SLC25A21: variants seen among roughly 807,000 people sequenced by gnomAD.
SLC25A21 encodes solute carrier family 25 member 21.
SLC25A21 carries 47 observed loss-of-function variants against 43.8 expected under a neutral mutation model. The observed-to-expected ratio is 1.07, with a 90% CI of 0.85 to 1.37. The LOEUF (loss-of-function observed/expected upper bound fraction) is 1.37, where lower values mean the gene tolerates loss of function less well. Among genes scored for constraint, SLC25A21 ranks in the 40% most tolerant of loss-of-function variants. SLC25A21 has a pLI of 0.00. For synonymous variants in SLC25A21, 131 were observed against 121.3 expected (o/e 1.08, Z -0.52); for missense variants, 352 against 350.2 (o/e 1.00, Z -0.04).
At chr14:37,122,090 T>C (rs145450800) in intron 1 of SLC25A21, among the ~76,000 whole-genome samples, 59 of 152,310 alleles carry the variant, frequency 3.9e-4, no homozygotes, top group African/African-American at 1.3e-3. Flanking sequence ...ATTGCTAATC[T>C]TTAACAGGAG....
At chr14:37,127,564 TACTA>T (rs375422695) in intron 1 of SLC25A21, among the ~76,000 whole-genome samples, 18 of 152,328 alleles carry the variant, frequency 1.2e-4, no homozygotes, top group African/African-American at 4.1e-4. Context: ...GTGTAACACT[TACTA>T]ACTGTTGGCA....
intron 2 of SLC25A21, among the ~76,000 whole-genome samples, chr14:36,814,933 T>A (rs1402869591): frequency 1.3e-5 from 2 of 152,158 alleles, no homozygotes; most frequent in African/African-American, 4.8e-5. Flanking sequence ...TGCCCATCAA[T>A]GATAGACTGG....
At chr14:37,051,533 T>C (rs1961705954) in intron 1 of SLC25A21, among the ~76,000 whole-genome samples, 1 of 152,202 alleles carries the variant, frequency 6.6e-6, no homozygotes, top group Non-Finnish European at 1.5e-5. Flanking sequence ...AATCAGAATA[T>C]GTAAGAAACA....
chr14:37,159,370 A>G (rs1317518128), intron 1 of SLC25A21, among the ~76,000 whole-genome samples: 1 of 152,202 alleles, frequency 6.6e-6, no homozygotes, highest in African/African-American at 2.4e-5. Context: ...TATTGGTATG[A>G]AAAGAGACAT....
rs183111767 is a variant in SLC25A21, at chr14:36,683,047, A to G, written c.838+781T>C. On this transcript the variant is annotated intron_variant, in intron 9 of 9. Coordinates refer to ENST00000331299, the MANE Select transcript of SLC25A21 (RefSeq NM_030631.4). ...GGAGGTGTAGGAGAAGGTTCTAGGA[A>G]ATATTACCAGTATGTATAAGTAGGT... Among the ~76,000 whole-genome samples the G allele has an allele frequency of 3.7e-3, 561 of 152,280 alleles. 2 individuals carry two copies. The highest frequency in any genetic ancestry group is 0.013 in the African/African-American group (538 of 41,572).
intron 1 of SLC25A21, among the ~76,000 whole-genome samples, chr14:37,152,306 G>T (rs1189535626): frequency 6.6e-6 from 1 of 151,690 alleles, no homozygotes; most frequent in Non-Finnish European, 1.5e-5. Context: ...TTGAAGGTCT[G>T]ATATTAGTTT....
chr14:37,103,649 T>A (rs2084384945), intron 1 of SLC25A21, among the ~76,000 whole-genome samples: 1 of 152,208 alleles, frequency 6.6e-6, no homozygotes, highest in Admixed American at 6.5e-5. Context: ...TACATTCTTC[T>A]TTCTCTGCCA....
At chr14:37,151,947 G>C (rs938713408) in intron 1 of SLC25A21, among the ~76,000 whole-genome samples, 1 of 152,080 alleles carries the variant, frequency 6.6e-6, no homozygotes, top group Non-Finnish European at 1.5e-5. Flanking sequence ...AGGCAAGAGA[G>C]ACGCTTGAAC....
At chr14:37,063,631 C>T (rs1359655368) in intron 1 of SLC25A21, among the ~76,000 whole-genome samples, 1 of 151,986 alleles carries the variant, frequency 6.6e-6, no homozygotes, top group Admixed American at 6.6e-5. Context: ...GATTTGTGAG[C>T]ACTTCAGCTT....
intron 1 of SLC25A21, among the ~76,000 whole-genome samples, chr14:37,010,649 A>G (rs1337988084): frequency 6.6e-6 from 1 of 151,876 alleles, no homozygotes; most frequent in Non-Finnish European, 1.5e-5. Context: ...CCTTCCAGAC[A>G]GAACCTAAAG....
At chr14:36,880,298 G>C (rs1393727314) in intron 1 of SLC25A21, among the ~76,000 whole-genome samples, 1 of 152,178 alleles carries the variant, frequency 6.6e-6, no homozygotes, top group Non-Finnish European at 1.5e-5. Context: ...GCCACACACA[G>C]CACAGCAACA....
At chr14:36,892,648 T>A (rs2138584768) in intron 1 of SLC25A21, among the ~76,000 whole-genome samples, 1 of 152,196 alleles carries the variant, frequency 6.6e-6, no homozygotes, top group South Asian at 2.1e-4. Context: ...GCTGCACCCA[T>A]TAACTCGTCA....
chr14:36,719,078 A>G (rs1339703489), intron 6 of SLC25A21, among the ~76,000 whole-genome samples: 1 of 152,200 alleles, frequency 6.6e-6, no homozygotes, highest in African/African-American at 2.4e-5. Context: ...CTTTAGCCAA[A>G]TAATAACTTT....
At chr14:36,760,945 G>C (rs1025945003) in intron 3 of SLC25A21, among the ~76,000 whole-genome samples, 1 of 152,140 alleles carries the variant, frequency 6.6e-6, no homozygotes, top group African/African-American at 2.4e-5. Context: ...AGTGGTTTTT[G>C]CCTCATTATT....
At chr14:37,123,122 T>C (rs1042256473) in intron 1 of SLC25A21, among the ~76,000 whole-genome samples, 2 of 152,222 alleles carry the variant, frequency 1.3e-5, no homozygotes, top group Admixed American at 6.5e-5. Context: ...TCTAAAGCAC[T>C]TTGGCATCTT....
chr14:37,090,725 C>T (rs182835493), intron 1 of SLC25A21, among the ~76,000 whole-genome samples: 108 of 152,230 alleles, frequency 7.1e-4, no homozygotes, highest in African/African-American at 2.5e-3. Flanking sequence ...GAAATAAAAA[C>T]AACATGTTTA....
At chr14:36,944,261 T>C (rs79161929) in intron 1 of SLC25A21, among the ~76,000 whole-genome samples, 6,602 of 152,178 alleles carry the variant, frequency 0.043, 286 homozygotes, top group Middle Eastern at 0.14. Context: ...CTGCCATTAA[T>C]AGGGGAGGAA....
At chr14:36,943,456 G>A (rs981304186) in intron 1 of SLC25A21, among the ~76,000 whole-genome samples, 11 of 152,222 alleles carry the variant, frequency 7.2e-5, no homozygotes, top group African/African-American at 2.7e-4. Flanking sequence ...CCTCCCAAAA[G>A]TGCTGGGATT....
chr14:36,775,278 T>C (rs879384586), intron 3 of SLC25A21, among the ~76,000 whole-genome samples: 1 of 152,226 alleles, frequency 6.6e-6, no homozygotes, highest in African/African-American at 2.4e-5. Context: ...CTCAGTCCTG[T>C]GTTTAAGCTT....
Sources: gnomAD v4.1 joint callset for allele counts (sites outside exome capture counted in the v4.1 genomes callset) on GRCh38, gnomAD v4.1.1 for gene constraint, MANE v1.5 for transcripts, NCBI Gene and HGNC (gene_info 2026-07-23, HGNC 2026-07-21) for gene names.